Variants in CMIP observed in about 807,000 individuals in gnomAD.
CMIP encodes the protein c-Maf inducing protein.
A neutral mutation model predicts 97.3 loss-of-function variants in CMIP; 13 were observed. That is an observed-to-expected ratio of 0.13 (90% CI 0.09 to 0.21). CMIP has a LOEUF of 0.21. Ranked by LOEUF, CMIP falls within the 10% of genes least tolerant of loss-of-function variation. The probability of loss-of-function intolerance (pLI) is 1.00; values close to 1 mark genes in which losing one functional copy is unlikely to be tolerated. For missense variants in CMIP, 847 were observed against 1,024.9 expected (o/e 0.83, Z 2.37); for synonymous variants, 538 against 436.3 (o/e 1.23, Z -2.91).
intron 1 of CMIP, among the ~76,000 whole-genome samples, chr16:81,449,876 T>G (rs748425820): frequency 2.0e-5 from 3 of 152,214 alleles, no homozygotes; most frequent in Non-Finnish European, 4.4e-5. Context: ...GGAGTAAGTT[T>G]TGATGCTCGC....
intron 6 of CMIP, among the ~76,000 whole-genome samples, chr16:81,663,504 C>G (rs1033500395): frequency 2.6e-5 from 4 of 152,204 alleles, no homozygotes; most frequent in Non-Finnish European, 5.9e-5. Flanking sequence ...TGGCTGAGCA[C>G]AGAGGATTTT....
chr16:81,532,284 G>C (rs950593453), intron 1 of CMIP, among the ~76,000 whole-genome samples: 7 of 152,264 alleles, frequency 4.6e-5, no homozygotes, highest in Non-Finnish European at 8.8e-5. Context: ...ATTCGGACGT[G>C]TGTTAGGTAG....
chr16:81,487,808 G>T (rs1233542141), intron 1 of CMIP, among the ~76,000 whole-genome samples: 1 of 152,232 alleles, frequency 6.6e-6, no homozygotes, highest in Non-Finnish European at 1.5e-5. Flanking sequence ...GAGCTGTGGT[G>T]CCAGAGAGCA....
intron 3 of CMIP, among the ~76,000 whole-genome samples, chr16:81,637,803 G>A (rs1045526556): frequency 2.6e-5 from 4 of 152,180 alleles, no homozygotes; most frequent in African/African-American, 4.8e-5. Context: ...CCTCCCTGGC[G>A]CAACAGAAAT....
At chr16:81,617,856 A>G (rs1012799986) in intron 2 of CMIP, among the ~76,000 whole-genome samples, 3 of 152,256 alleles carry the variant, frequency 2.0e-5, no homozygotes, top group Non-Finnish European at 4.4e-5. Context: ...TGGTAGGTAG[A>G]GCATGCGTGG....
At chr16:81,522,928 T>G (rs1275209402) in intron 1 of CMIP, among the ~76,000 whole-genome samples, 1 of 151,360 alleles carries the variant, frequency 6.6e-6, no homozygotes, top group South Asian at 2.1e-4. Flanking sequence ...TTGTATATGG[T>G]TTTTTTTTCT....
At chr16:81,667,989 A>G (rs1185361080) in intron 7 of CMIP, among the ~76,000 whole-genome samples, 2 of 152,070 alleles carry the variant, frequency 1.3e-5, no homozygotes, top group African/African-American at 4.8e-5. Context: ...CTCCACATGA[A>G]GAAGCCCCCA....
chr16:81,468,928 G>A (rs964294658), intron 1 of CMIP, among the ~76,000 whole-genome samples: 1 of 152,230 alleles, frequency 6.6e-6, no homozygotes, highest in Non-Finnish European at 1.5e-5. Context: ...GCAGTGAGCT[G>A]CCTGCATGCT....
intron 1 of CMIP, among the ~76,000 whole-genome samples, chr16:81,531,238 A>G (rs1242430482): frequency 1.3e-5 from 2 of 152,194 alleles, no homozygotes; most frequent in African/African-American, 2.4e-5. Flanking sequence ...GTGTGACAGC[A>G]GAGACAGATT....
At chr16:81,556,494 A>G (rs2090766895) in intron 1 of CMIP, among the ~76,000 whole-genome samples, 1 of 152,220 alleles carries the variant, frequency 6.6e-6, no homozygotes, top group South Asian at 2.1e-4. Context: ...ACAATGTGCC[A>G]ACGATTACTA....
In CMIP at chr16:81,703,942, G is replaced by T; in HGVS notation, c.1948G>T (p.Ala650Ser). ...CCTCTCCCCCGTCTGCCCGCAGGACGCTGACTTGGCTCGTTTGCTGAGCTC... is the reference window on the plus strand; with the variant it reads ...CCTCTCCCCCGTCTGCCCGCAGGACTCTGACTTGGCTCGTTTGCTGAGCTC... ...RLTLPSKSTD[A>S]DLARLLSSGS... The change falls in exon 18 of 21, where the codon GCT becomes TCT. Residue 650 changes from alanine (A) to serine (S), a missense_variant. Transcript: ENST00000537098. 1 of 1,594,010 alleles carries T rather than the reference G, an allele frequency of 6.3e-7. No homozygotes were observed. Among genetic ancestry groups the T allele is most frequent in the Non-Finnish European group, 8.5e-7 (1 of 1,172,452 alleles).
chr16:81,540,820 T>C (rs1183475357), intron 1 of CMIP, among the ~76,000 whole-genome samples: 1 of 151,998 alleles, frequency 6.6e-6, no homozygotes, highest in African/African-American at 2.4e-5. Flanking sequence ...AGCTGGGACT[T>C]CAGGCTTGTG....
Position 81,467,333 on chromosome 16 carries a change from G to T in CMIP, c.300+21792G>T, listed in dbSNP as rs541821486. Among the ~76,000 whole-genome samples, 18 of 152,284 alleles carry T rather than the reference G, an allele frequency of 1.2e-4. No individual in the cohort carries two copies. The South Asian group carries it at 3.7e-3, about 32-fold the overall frequency. On this transcript the variant is annotated intron_variant, in intron 1 of 20. Transcript: ENST00000537098. ...GGTGGGACAAAGCCTGCCTAGTGAG[G>T]CAGGGGCTTAACATAGAGCAGCCTC...
chr16:81,660,957 G>T lies in CMIP; in HGVS notation c.744+11G>T. ...GAATTCTTTTGCAAGGTACGGGATTGCTGAGCTGGGGCTGTGGCTGCAGGA... is the reference window on the plus strand; with the variant it reads ...GAATTCTTTTGCAAGGTACGGGATTTCTGAGCTGGGGCTGTGGCTGCAGGA... On this transcript the variant is annotated intron_variant, in intron 6 of 20. Coordinates refer to ENST00000537098, the MANE Select transcript of CMIP (RefSeq NM_198390.3). 1 of 1,613,984 alleles carries T rather than the reference G, an allele frequency of 6.2e-7. No individual in the cohort carries two copies. Among genetic ancestry groups the T allele is most frequent in the Non-Finnish European group, 8.5e-7 (1 of 1,179,892 alleles).
At chr16:81,456,612 C>T (rs1364218401) in intron 1 of CMIP, among the ~76,000 whole-genome samples, 1 of 152,228 alleles carries the variant, frequency 6.6e-6, no homozygotes, top group African/African-American at 2.4e-5. Context: ...CATTGTCCCC[C>T]TTATACAGAT....
intron 1 of CMIP, among the ~76,000 whole-genome samples, chr16:81,506,383 AG>A (rs146108253): frequency 0.014 from 2,115 of 152,288 alleles, 50 homozygotes; most frequent in African/African-American, 0.049. Flanking sequence ...TCTGTTCTTA[AG>A]AGGTGGATCT....
At chr16:81,482,978 C>T (rs971781738) in intron 1 of CMIP, among the ~76,000 whole-genome samples, 2 of 152,252 alleles carry the variant, frequency 1.3e-5, no homozygotes, top group African/African-American at 4.8e-5. Context: ...AGGCACGGAG[C>T]AAAGCAGGCA....
chr16:81,677,181 G>A (rs1231865185), intron 9 of CMIP, among the ~76,000 whole-genome samples: 1 of 152,066 alleles, frequency 6.6e-6, no homozygotes, highest in Admixed American at 6.6e-5. Context: ...AAGAAATCAA[G>A]GAAGACTTCC....
At chr16:81,620,976 A>T in intron 3 of CMIP, 50 bp downstream of exon 3, 1 of 1,608,858 alleles carries the variant, frequency 6.2e-7, no homozygotes, top group Non-Finnish European at 8.5e-7. Context: ...CAGTGGTGCG[A>T]TGGCTTAAAG....
Sources: gnomAD v4.1 joint callset for allele counts (sites outside exome capture counted in the v4.1 genomes callset) on GRCh38, gnomAD v4.1.1 for gene constraint, MANE v1.5 for transcripts, NCBI Gene and HGNC (gene_info 2026-07-23, HGNC 2026-07-21) for gene names.